The following LARGE1 variants were observed in gnomAD, a reference collection of about 807,000 sequenced individuals.
LARGE1 encodes the protein LARGE xylosyl- and glucuronyltransferase 1.
In LARGE1, 43 loss-of-function variants were observed where a neutral mutation model predicts 87.6. The observed-to-expected ratio is 0.49, with a 90% CI of 0.38 to 0.63. The LOEUF is 0.63. Ranked by LOEUF, LARGE1 falls within the 30% of genes least tolerant of loss-of-function variation. LARGE1 has a pLI of 0.00. For synonymous variants in LARGE1, 434 were observed against 394.6 expected (o/e 1.10, Z -1.18); for missense variants, 802 against 1,000.2 (o/e 0.80, Z 2.67).
intron 1 of LARGE1, among the ~76,000 whole-genome samples, chr22:33,917,932 T>C (rs929426194): frequency 3.3e-5 from 5 of 152,072 alleles, no homozygotes; most frequent in Non-Finnish European, 7.4e-5. Context: ...CACAGTAACA[T>C]GGGCCCTGGT....
chr22:33,343,282 C>G (rs1025474727), intron 9 of LARGE1, among the ~76,000 whole-genome samples: 1 of 152,074 alleles, frequency 6.6e-6, no homozygotes, highest in Non-Finnish European at 1.5e-5. Context: ...CCATGTCCAG[C>G]TAATTTTGTT....
At chr22:33,639,441 A>C (rs1049117985) in intron 3 of LARGE1, among the ~76,000 whole-genome samples, 1 of 152,224 alleles carries the variant, frequency 6.6e-6, no homozygotes, top group African/African-American at 2.4e-5. Context: ...GTGATTTTTC[A>C]GGTACCAGTG....
chr22:33,493,179 G>A (rs1216735643), intron 6 of LARGE1, among the ~76,000 whole-genome samples: 1 of 23,514 alleles, frequency 4.3e-5, no homozygotes, highest in Admixed American at 4.6e-4. Context: ...TTTTTTTTTT[G>A]AGACATAGTC....
In LARGE1 at chr22:33,613,040, A is replaced by C. The variant is rs528497858; in HGVS notation, c.492-8482T>G. Among the ~76,000 whole-genome samples the C allele has an allele frequency of 2.0e-5, 3 of 152,308 alleles. No homozygotes were observed. In the South Asian group the frequency reaches 6.2e-4, roughly 32 times the overall value. ...CTAGGTGTCTGCATTGTCAAAGGGA[A>C]TAGTGGGTTTCATTAGCTTGCCTGA... On this transcript the variant is annotated intron_variant, in intron 4 of 14. Transcript: ENST00000397394.
intron 5 of LARGE1, among the ~76,000 whole-genome samples, chr22:33,578,738 C>G (rs1456376902): frequency 6.6e-6 from 1 of 152,184 alleles, no homozygotes; most frequent in Admixed American, 6.5e-5. Flanking sequence ...AAATATGATA[C>G]TCACATGATT....
At chr22:33,595,822 CCT>C (rs750960963) in intron 5 of LARGE1, among the ~76,000 whole-genome samples, 1 of 152,302 alleles carries the variant, frequency 6.6e-6, no homozygotes, top group Non-Finnish European at 1.5e-5. Context: ...CTCTAGGTTC[CCT>C]CTGTCTAGTA....
At chr22:33,256,974 G>C (rs568085570) in intron 11 of LARGE1, among the ~76,000 whole-genome samples, 1 of 152,326 alleles carries the variant, frequency 6.6e-6, no homozygotes, top group African/African-American at 2.4e-5. Context: ...GGGAGGCCAA[G>C]GCAGATGGAT....
intron 1 of LARGE1, among the ~76,000 whole-genome samples, chr22:33,805,789 T>C (rs1569453516): frequency 6.6e-6 from 1 of 151,074 alleles, no homozygotes; most frequent in African/African-American, 2.4e-5. Context: ...ATAAATAAAA[T>C]AACAACCATC....
intron 1 of LARGE1, among the ~76,000 whole-genome samples, chr22:33,797,181 T>C (rs1601638598): frequency 6.6e-6 from 1 of 152,036 alleles, no homozygotes; most frequent in African/African-American, 2.4e-5. Context: ...GGTATGTAAG[T>C]TGGCACAGAA....
intron 9 of LARGE1, among the ~76,000 whole-genome samples, chr22:33,354,071 G>A (rs1011036978): frequency 1.3e-5 from 2 of 152,242 alleles, no homozygotes; most frequent in Admixed American, 6.5e-5. Flanking sequence ...TGGCACACGT[G>A]AAGAAAGGAT....
At chr22:33,214,759 C>G (rs1464890577) in intron 11 of LARGE1, among the ~76,000 whole-genome samples, 4 of 152,340 alleles carry the variant, frequency 2.6e-5, no homozygotes, top group Admixed American at 6.5e-5. Context: ...GGAGCCCGGT[C>G]TTTCACATGA....
rs535445609 is a variant in LARGE1, at chr22:33,311,894, AC to A, written c.1451+4190del. ...TCTTTTATAGAAGGAGGAAACGGAA[AC>A]CCAAAGATGTTAAGTGACTTGCCCA... is the stretch of plus-strand genomic sequence containing the variant. On this transcript the variant is annotated intron_variant, in intron 11 of 14. Transcript: ENST00000397394. Among the ~76,000 whole-genome samples, 60 of 152,274 alleles carry A rather than the reference AC, an allele frequency of 3.9e-4. 1 individual carries two copies. The South Asian group carries it at 5.0e-3, about 13-fold the overall frequency.
chr22:33,543,737 G>A (rs753161387), intron 6 of LARGE1, among the ~76,000 whole-genome samples: 22 of 152,206 alleles, frequency 1.4e-4, no homozygotes, highest in South Asian at 2.1e-4. Context: ...TCTAAAATCT[G>A]TCTTCTCTTT....
chr22:33,799,684 G>A (rs573603410), intron 1 of LARGE1, among the ~76,000 whole-genome samples: 3 of 152,156 alleles, frequency 2.0e-5, no homozygotes, highest in East Asian at 1.9e-4. Flanking sequence ...TGCCCGCCTC[G>A]GCCTCCCAAA....
chr22:33,655,004 G>A (rs994388750), intron 2 of LARGE1, among the ~76,000 whole-genome samples: 2 of 152,178 alleles, frequency 1.3e-5, no homozygotes, highest in Non-Finnish European at 2.9e-5. Context: ...CTTGATGCTG[G>A]CCACAAAGTC....
chr22:33,207,292 G>C (rs1461607568), intron 11 of LARGE1, among the ~76,000 whole-genome samples: 1 of 152,206 alleles, frequency 6.6e-6, no homozygotes, highest in Non-Finnish European at 1.5e-5. Context: ...ATCAGGATCT[G>C]AAAGCAAGGA....
chr22:33,487,439 G>A (rs908327135), intron 6 of LARGE1, among the ~76,000 whole-genome samples: 1 of 152,094 alleles, frequency 6.6e-6, no homozygotes, highest in African/African-American at 2.4e-5. Context: ...AGCAGCCTAA[G>A]GTCCTTCTCC....
chr22:33,572,157 T>C lies in LARGE1; in HGVS notation c.616-7138A>G, dbSNP rs536532675. ...ATAGATTGCTTACCCATATTAACAT[T>C]TTGCTGTGGATTACAAATCACCTTG... On this transcript the variant is annotated intron_variant, in intron 5 of 14. Coordinates refer to ENST00000397394, the MANE Select transcript of LARGE1 (RefSeq NM_133642.5). 605 of 1,232,954 alleles carry C rather than the reference T, an allele frequency of 4.9e-4. 8 individuals are homozygous for C. In the South Asian group the frequency reaches 7.2e-3, roughly 15 times the overall value. 76.4% of individuals were successfully genotyped at this position (1,232,954 alleles called of 1,614,324 possible). A position where few individuals can be genotyped will look rare whatever the true frequency, so the allele number is the denominator to read the frequency against.
chr22:33,603,674 G>C (rs1210841018), intron 5 of LARGE1, among the ~76,000 whole-genome samples: 1 of 152,200 alleles, frequency 6.6e-6, no homozygotes, highest in African/African-American at 2.4e-5. Context: ...AAGGGAACCA[G>C]AGGTGTGCTC....
Sources: allele counts gnomAD v4.1 joint callset (sites outside exome capture counted in the v4.1 genomes callset), GRCh38; gene constraint gnomAD v4.1.1; transcripts MANE v1.5; gene names NCBI Gene and HGNC (gene_info 2026-07-23, HGNC 2026-07-21).